Variants in HSPG2 observed in about 807,000 individuals in gnomAD.
The protein encoded by HSPG2 is basement membrane-specific heparan sulfate proteoglycan core protein.
A neutral mutation model predicts 526.6 loss-of-function variants in HSPG2; 278 were observed. The ratio of observed to expected loss-of-function variants is 0.53; its 90% CI spans 0.48 to 0.58. The LOEUF is 0.58. Among genes scored for constraint, HSPG2 ranks in the 20% least tolerant of loss-of-function variants. The pLI is 0.00. For missense variants in HSPG2, 5,354 were observed against 6,099.5 expected, an observed-to-expected ratio of 0.88 and a Z score of 4.07; for synonymous variants, 2,465 against 2,555.4, an observed-to-expected ratio of 0.96 and a Z score of 1.07.
chr1:21,854,540 G>A (rs1287450374), intron 49 of HSPG2, 71 bp downstream of exon 49: 4 of 1,497,600 alleles, frequency 2.7e-6, no homozygotes, highest in Non-Finnish European at 3.6e-6. Flanking sequence ...CCCCCGCCCA[G>A]CGTACAGGCC....
chr1:21,861,810 G>C lies in HSPG2; in HGVS notation c.4902C>G (p.Gly1634=). The C allele has an allele frequency of 6.2e-7, 1 of 1,613,712 alleles. No homozygotes were observed. The highest frequency in any genetic ancestry group is 8.5e-7 in the Non-Finnish European group (1 of 1,180,016). The change falls in exon 39 of 97, where the codon GGC becomes GGG. Residue 1634 remains glycine (G), a synonymous_variant. Transcript: ENST00000374695. ...FSRTCESLGA[G]GYRCTACEPG... is the part of the protein sequence containing the mutation. ...GTTCGCAGGCCGTGCAGCGGTACCC[G>C]CCGGCTCCCAGGCTCTCACAGGTGC...
intron 1 of HSPG2, among the ~76,000 whole-genome samples, chr1:21,896,803 G>T (rs996430692): frequency 2.0e-5 from 3 of 152,160 alleles, no homozygotes; most frequent in Admixed American, 2.0e-4. Flanking sequence ...CTCCTCCCCA[G>T]GCCATTTGGC....
In HSPG2 at chr1:21,855,533, G is replaced by A. The variant is rs1639270617; in HGVS notation, c.5844C>T (p.Leu1948=). Reference sequence around the variant, plus strand: ...AGCCCGGCCTCTCACCATGCACGTGGAGCACAGCCCTGGCCACCTGCTGCC... The same window carrying A: ...AGCCCGGCCTCTCACCATGCACGTGAAGCACAGCCCTGGCCACCTGCTGCC... The part of the protein sequence containing the change: ...SAGQQVARAV[L]HVHGGGGPRV... Residue 1948 remains leucine, a synonymous_variant, in exon 46 of 97, where the codon CTC becomes CTT. Transcript: ENST00000374695. 5.6e-6 allele frequency: 9 copies of A among 1,608,228 alleles called. No homozygotes were observed. The highest frequency in any genetic ancestry group is 1.3e-5 in the African/African-American group (1 of 74,902).
chr1:21,874,925 G>C lies in HSPG2; in HGVS notation c.3380C>G (p.Ser1127Cys). 6.2e-7 allele frequency: 1 copy of C among 1,613,016 alleles called. No homozygotes were observed. Among genetic ancestry groups the C allele is most frequent in the African/African-American group, 1.3e-5 (1 of 75,022 alleles). ...QDPALEVEQC[S>C]CPPGYRGPSC... ...CGGCCCACGGTACCCGGGTGGGCAG[G>C]AGCACTGTTCCACTTCCAGCGCGGG... is the stretch of plus-strand genomic sequence containing the variant. Residue 1127 changes from serine to cysteine, a missense_variant, in exon 26 of 97, where the codon TCC (serine) becomes TGC (cysteine). Transcript: ENST00000374695.
At position 21,853,559 on chromosome 1, in the gene HSPG2, C is replaced by T. The variant is rs879917254; in HGVS notation, c.6440-489G>A. 2.3e-4 allele frequency: 39 copies of T among 171,136 alleles called. 1 individual carries two copies. The highest frequency in any genetic ancestry group is 2.0e-3 in the Admixed American group (35 of 17,176). The allele number at this position is 171,136 out of a possible 1,614,324, so 10.6% of individuals were successfully genotyped here. On this transcript the variant is annotated intron_variant, in intron 50 of 96. Coordinates refer to ENST00000374695, the MANE Select transcript of HSPG2 (RefSeq NM_005529.7). ...GAGATCGAGACCATCCTGGCTAACA[C>T]GGTGAAACCCCGTCTCTACTAAAAA... is the stretch of plus-strand genomic sequence containing the variant.
intron 1 of HSPG2, among the ~76,000 whole-genome samples, chr1:21,936,656 C>T (rs1644497079): frequency 6.6e-6 from 1 of 152,198 alleles, no homozygotes; most frequent in Non-Finnish European, 1.5e-5. Context: ...CAGTTCTGTC[C>T]CAAAAGTTTT....
In HSPG2 at chr1:21,822,346, G is replaced by T. The variant is rs2097953865; in HGVS notation, c.*970C>A. 2.3e-6 allele frequency: 2 copies of T among 885,060 alleles called. No individual in the cohort carries two copies. Among genetic ancestry groups the T allele is most frequent in the African/African-American group, 3.3e-5 (2 of 60,394 alleles). 54.8% of individuals were successfully genotyped at this position (885,060 alleles called of 1,614,324 possible). A position where few individuals can be genotyped will look rare whatever the true frequency, so the allele number is the denominator to read the frequency against. ...GGCGTCCCAACCCCACAGTCTGGGG[G>T]CCACTGGCAGGATGGCACTTGAGCT... is the stretch of plus-strand genomic sequence containing the variant. On this transcript the variant is annotated 3_prime_UTR_variant, in exon 97 of 97. Coordinates refer to ENST00000374695, the MANE Select transcript of HSPG2 (RefSeq NM_005529.7).
Position 21,874,674 on chromosome 1 carries a change from T to A in HSPG2, c.3470A>T (p.Glu1157Val), listed in dbSNP as rs1640908419. 1 of 1,612,280 alleles carries A rather than the reference T, an allele frequency of 6.2e-7. No homozygotes were observed. The highest frequency in any genetic ancestry group is 1.7e-5 in the Admixed American group (1 of 59,758). ...TPSGLYLGTC[E>V]RCSCHGHSEA... is the part of the protein sequence containing the mutation. ...TGAGTGGCCATGGCAGCTGCAGCGT[T>A]CACAGGTACCCAGGTAGAGGCCACT... Residue 1157 changes from glutamate (E) to valine (V), a missense_variant, in exon 27 of 97, where the codon GAA becomes GTA. Coordinates refer to ENST00000374695, the MANE Select transcript of HSPG2 (RefSeq NM_005529.7).
In HSPG2 at chr1:21,889,849, G is replaced by A. The variant is rs200453662; in HGVS notation, c.574+132C>T. 32 of 908,432 alleles carry A rather than the reference G, an allele frequency of 3.5e-5. No homozygotes were observed. The East Asian group carries it at 7.0e-4, about 20-fold the overall frequency. 56.3% of individuals were successfully genotyped at this position (908,432 alleles called of 1,614,324 possible). ...GCCAAGATTGTGTAAAGATCGATGG[G>A]GCAGACTCAGGAGTAGTGAGCTCCC... On this transcript the variant is annotated intron_variant, in intron 6 of 96. Transcript: ENST00000374695.
intron 1 of HSPG2, among the ~76,000 whole-genome samples, chr1:21,923,995 T>A (rs1644116302): frequency 6.6e-6 from 1 of 152,190 alleles, no homozygotes; most frequent in South Asian, 2.1e-4. Flanking sequence ...GCCCCTGATG[T>A]CAGCTTAGCA....
chr1:21,885,940 G>T (rs1641865526), intron 9 of HSPG2, among the ~76,000 whole-genome samples: 1 of 152,258 alleles, frequency 6.6e-6, no homozygotes, highest in South Asian at 2.1e-4. Flanking sequence ...GGCTGGAAGT[G>T]GCCCGGGACA....
rs151090850 is a variant in HSPG2 at position 21,822,491 on chromosome 1, C to T, written c.*825G>A. The T allele has an allele frequency of 4.6e-5, 17 of 371,874 alleles. No homozygotes were observed. Among genetic ancestry groups the T allele is most frequent in the African/African-American group, 3.4e-4 (16 of 47,482 alleles). 23.0% of individuals were successfully genotyped at this position (371,874 alleles called of 1,614,324 possible). On this transcript the variant is annotated 3_prime_UTR_variant, in exon 97 of 97. Transcript: ENST00000374695. ...GCTCTTCCTGAGCACCAGCGGCATC[C>T]GTCCGTCCGTTGTCTGTTGGAGGAG... is the stretch of plus-strand genomic sequence containing the variant.
In HSPG2 at chr1:21,906,053, G is replaced by A. The variant is rs1643361718; in HGVS notation, c.64-9743C>T. Among the ~76,000 whole-genome samples the A allele has an allele frequency of 6.6e-5, 10 of 152,252 alleles. No individual in the cohort carries two copies. In the South Asian group the frequency reaches 2.1e-3, roughly 32 times the overall value. ...TAATTAATTAATGGGGTTTATAAGT[G>A]AGGAGCCTGAGGCTCAGAGAGCTAA... On this transcript the variant is annotated intron_variant, in intron 1 of 96. Coordinates refer to ENST00000374695, the MANE Select transcript of HSPG2 (RefSeq NM_005529.7).
At chr1:21,866,098 C>T (rs1640209236) in intron 33 of HSPG2, among the ~76,000 whole-genome samples, 1 of 152,190 alleles carries the variant, frequency 6.6e-6, no homozygotes, top group Non-Finnish European at 1.5e-5. Context: ...AACTCCAGGT[C>T]TGCTTTCATT....
chr1:21,927,352 C>G (rs928776579), intron 1 of HSPG2, among the ~76,000 whole-genome samples: 1 of 152,174 alleles, frequency 6.6e-6, no homozygotes, highest in Non-Finnish European at 1.5e-5. Context: ...GTGTGTCTCT[C>G]TCTCCTGAGT....
In HSPG2 at chr1:21,885,071, C is replaced by T. The variant is rs768633308; in HGVS notation, c.1297G>A (p.Val433Ile). The T allele has an allele frequency of 1.2e-5, 20 of 1,613,672 alleles. No homozygotes were observed. Among genetic ancestry groups the T allele is most frequent in the Admixed American group, 3.3e-5 (2 of 60,004 alleles). ...CTCCAATTGATGATGGGGGTGGGGA[C>T]GCCAATGGCCACGCAGGTGAAGGTC... ...TVTFTCVAIGVPTPIINWRLN... is the reference protein window; with the variant it reads ...TVTFTCVAIGIPTPIINWRLN... Residue 433 changes from valine to isoleucine, a missense_variant, in exon 11 of 97, where the codon GTC becomes ATC. Coordinates refer to ENST00000374695, the MANE Select transcript of HSPG2 (RefSeq NM_005529.7).
At chr1:21,832,397 C>T in intron 81 of HSPG2, 98 bp downstream of exon 81, 2 of 1,005,640 alleles carry the variant, frequency 2.0e-6, no homozygotes, top group Non-Finnish European at 3.2e-6. Flanking sequence ...TTTCTCCTTC[C>T]TCCAGATCTC....
intron 1 of HSPG2, among the ~76,000 whole-genome samples, chr1:21,902,475 A>G (rs1202569191): frequency 1.3e-5 from 2 of 152,242 alleles, no homozygotes; most frequent in African/African-American, 4.8e-5. Flanking sequence ...GAGACACTGG[A>G]GGCACACTCA....
At chr1:21,868,989 G>A in intron 33 of HSPG2, 1 of 304,126 alleles carries the variant, frequency 3.3e-6, no homozygotes, top group Non-Finnish European at 4.6e-6. Context: ...AGGGCAGGTG[G>A]TAAGAGCCGA....
Sources: gnomAD v4.1 joint callset for allele counts (sites outside exome capture counted in the v4.1 genomes callset) on GRCh38, gnomAD v4.1.1 for gene constraint, MANE v1.5 for transcripts, NCBI Gene and HGNC (gene_info 2026-07-23, HGNC 2026-07-21) for gene names.